Variants in DHRS7B observed in about 807,000 individuals in gnomAD.
DHRS7B encodes peroxisomal reductase activating PPAR-gamma.
A neutral mutation model predicts 26.4 loss-of-function variants in DHRS7B; 24 were observed. That is an observed-to-expected ratio of 0.91 (90% CI 0.66 to 1.28). The LOEUF (loss-of-function observed/expected upper bound fraction) is 1.28, where lower values mean the gene tolerates loss of function less well. Among genes scored for constraint, DHRS7B ranks in the 50% most tolerant of loss-of-function variants. The pLI is 0.00. For missense variants in DHRS7B, 368 were observed against 419.4 expected (o/e 0.88, Z 1.07); for synonymous variants, 142 against 166.4 (o/e 0.85, Z 1.13).
intron 1 of DHRS7B, among the ~76,000 whole-genome samples, chr17:21,161,751 C>T (rs896226608): frequency 2.6e-5 from 4 of 152,056 alleles, no homozygotes; most frequent in African/African-American, 4.8e-5. Context: ...TTTGCTAGGA[C>T]GCTTGGTAAA....
At chr17:21,131,498 T>C (rs1005999666) in intron 1 of DHRS7B, among the ~76,000 whole-genome samples, 2 of 152,246 alleles carry the variant, frequency 1.3e-5, no homozygotes, top group Non-Finnish European at 2.9e-5. Flanking sequence ...GTCACTTTCA[T>C]TGCCATTTTC....
intron 1 of DHRS7B, among the ~76,000 whole-genome samples, chr17:21,141,634 A>C (rs1429245209): frequency 1.4e-5 from 2 of 145,870 alleles, no homozygotes; most frequent in Non-Finnish European, 3.0e-5. Flanking sequence ...AAAAAAAAAA[A>C]AAAAAACAAC....
In DHRS7B at chr17:21,160,900, G is replaced by A. The variant is rs530412128; in HGVS notation, c.21-11118G>A. 2.6e-4 allele frequency among the ~76,000 whole-genome samples: 40 copies of A among 152,100 alleles called. No homozygotes were observed. In the South Asian group the frequency reaches 7.7e-3, roughly 29 times the overall value. ...GTACTAAAAAAAAATGAGCTATGAA[G>A]CTATGAAAAGACATGGAGGAAACTG... On this transcript the variant is annotated intron_variant, in intron 1 of 6. Coordinates refer to ENST00000395511, the MANE Select transcript of DHRS7B (RefSeq NM_015510.5).
chr17:21,142,332 G>T (rs1973535653), intron 1 of DHRS7B, among the ~76,000 whole-genome samples: 1 of 152,152 alleles, frequency 6.6e-6, no homozygotes, highest in Non-Finnish European at 1.5e-5. Context: ...TCAGTTGCTA[G>T]GTCAGGGGTC....
intron 1 of DHRS7B, among the ~76,000 whole-genome samples, chr17:21,130,632 GAGA>G (rs1822212524): frequency 6.6e-6 from 1 of 151,976 alleles, no homozygotes; most frequent in South Asian, 2.1e-4. Flanking sequence ...AAAGGAAGGA[GAGA>G]AGATCTCTTT....
Position 21,140,535 on chromosome 17 carries a change from C to CTG in DHRS7B, c.20+13544_20+13545insTG, listed in dbSNP as rs1220657697. On this transcript the variant is annotated intron_variant, in intron 1 of 6. Coordinates refer to ENST00000395511, the MANE Select transcript of DHRS7B (RefSeq NM_015510.5). ...ACACACACACACACACACACACACA[C>CTG]ACACCCTGACACCCTATAGCTTTTA... 5.3e-5 allele frequency among the ~76,000 whole-genome samples: 8 copies of CTG among 149,772 alleles called. No homozygotes were observed. The East Asian group carries it at 1.6e-3, about 30-fold the overall frequency.
chr17:21,170,285 G>A (rs1974209454), intron 1 of DHRS7B, among the ~76,000 whole-genome samples: 1 of 152,280 alleles, frequency 6.6e-6, no homozygotes, highest in South Asian at 2.1e-4. Flanking sequence ...CACAGGCCTC[G>A]GTGCCTACTC....
At chr17:21,132,350 T>A (rs146198050) in intron 1 of DHRS7B, among the ~76,000 whole-genome samples, 4,656 of 109,752 alleles carry the variant, frequency 0.042, 81 homozygotes, top group East Asian at 0.078. Context: ...AAAAAAAAAA[T>A]ATATATATAT....
chr17:21,172,221 AG>A, intron 2 of DHRS7B, 25 bp downstream of exon 2: 2 of 1,593,942 alleles, frequency 1.3e-6, no homozygotes, highest in South Asian at 1.1e-5. Context: ...CAGTGCTGCC[AG>A]GGGGCGGGGG....
intron 5 of DHRS7B, among the ~76,000 whole-genome samples, chr17:21,186,929 A>T (rs931081275): frequency 1.1e-4 from 16 of 152,198 alleles, no homozygotes; most frequent in Admixed American, 2.6e-4. Context: ...AGGCCCACTG[A>T]TGGGGCCAAT....
intron 3 of DHRS7B, among the ~76,000 whole-genome samples, chr17:21,180,677 G>A (rs866896805): frequency 4.6e-5 from 7 of 152,202 alleles, no homozygotes; most frequent in Middle Eastern, 3.4e-3. Context: ...CATGAGGGTA[G>A]GAAGGGGGAG....
chr17:21,141,280 A>T (rs1973503124), intron 1 of DHRS7B, among the ~76,000 whole-genome samples: 1 of 152,162 alleles, frequency 6.6e-6, no homozygotes, highest in Non-Finnish European at 1.5e-5. Flanking sequence ...GACAAAACTC[A>T]GTCTCTCATT....
At chr17:21,188,608 C>G (rs1207848495) in intron 5 of DHRS7B, 103 bp from the exon 6 acceptor site, 32 of 1,298,910 alleles carry the variant, frequency 2.5e-5, no homozygotes, top group Middle Eastern at 2.8e-4. Flanking sequence ...CAAATAAAAC[C>G]AGGTTTTCAA....
intron 2 of DHRS7B, among the ~76,000 whole-genome samples, chr17:21,175,786 A>G (rs1002864164): frequency 6.6e-6 from 1 of 152,042 alleles, no homozygotes; most frequent in Admixed American, 6.5e-5. Flanking sequence ...AAAGTTAGCC[A>G]AGCATGGTGG....
intron 1 of DHRS7B, among the ~76,000 whole-genome samples, chr17:21,137,716 C>T (rs1469331470): frequency 6.6e-6 from 1 of 151,978 alleles, no homozygotes; most frequent in Non-Finnish European, 1.5e-5. Context: ...CTCGGCCTCC[C>T]AAAGTGCTGG....
chr17:21,187,750 C>G (rs1341872412), intron 5 of DHRS7B, among the ~76,000 whole-genome samples: 3 of 151,542 alleles, frequency 2.0e-5, no homozygotes, highest in Non-Finnish European at 2.9e-5. Context: ...GGAGGACTTT[C>G]TTTTTTTGTA....
At chr17:21,183,855 T>C in intron 4 of DHRS7B, 45 bp downstream of exon 4, 4 of 1,519,526 alleles carry the variant, frequency 2.6e-6, no homozygotes, top group Non-Finnish European at 3.6e-6. Context: ...TATGTTGGCA[T>C]TCTTTTTACT....
intron 1 of DHRS7B, among the ~76,000 whole-genome samples, chr17:21,140,523 CA>C (rs1480108491): frequency 1.0e-4 from 15 of 150,566 alleles, no homozygotes; most frequent in African/African-American, 2.7e-4. Flanking sequence ...CACACACACA[CA>C]CACACACACA....
chr17:21,174,699 G>A (rs752134070), intron 2 of DHRS7B, among the ~76,000 whole-genome samples: 8 of 152,206 alleles, frequency 5.3e-5, no homozygotes, highest in Non-Finnish European at 8.8e-5. Context: ...ACCTTTGAAG[G>A]GTTCTGTGTC....
Sources: allele counts gnomAD v4.1 joint callset (sites outside exome capture counted in the v4.1 genomes callset), GRCh38; gene constraint gnomAD v4.1.1; transcripts MANE v1.5; gene names NCBI Gene and HGNC (gene_info 2026-07-23, HGNC 2026-07-21).